TRIP11: variants seen among roughly 807,000 people sequenced by gnomAD.
TRIP11 encodes thyroid receptor-interacting protein 11.
In TRIP11, 148 loss-of-function variants were observed where a neutral mutation model predicts 223.1. The observed-to-expected ratio is 0.66, with a 90% CI of 0.58 to 0.76. TRIP11 has a LOEUF of 0.76. Among genes scored for constraint, TRIP11 ranks in the 30% least tolerant of loss-of-function variants. The probability of loss-of-function intolerance (pLI) is 0.00; values close to 1 mark genes in which losing one functional copy is unlikely to be tolerated. For missense variants in TRIP11, 2,043 were observed against 2,222.0 expected (o/e 0.92, Z 1.62); for synonymous variants, 762 against 772.6 (o/e 0.99, Z 0.23).
chr14:91,998,622 C>G (rs774913981), intron 13 of TRIP11, among the ~76,000 whole-genome samples: 12 of 151,562 alleles, frequency 7.9e-5, no homozygotes, highest in Non-Finnish European at 1.5e-4. Context: ...AAGATTATCT[C>G]TGGGCATGTG....
In TRIP11 at chr14:92,014,532, A is replaced by T. The variant is rs1445806196; in HGVS notation, c.869T>A (p.Met290Lys). 1 of 1,598,396 alleles carries T rather than the reference A, an allele frequency of 6.3e-7. No individual in the cohort carries two copies. The highest frequency in any genetic ancestry group is 2.2e-5 in the East Asian group (1 of 44,716). ...IETDLSKIYE[M>K]QKTIQVLQIE... Reference sequence around the variant, plus strand: ...TTGTAGAACTTGAATAGTTTTTTGCATCTCATAGATTTTAGAGAGATCAGT... The same window carrying T: ...TTGTAGAACTTGAATAGTTTTTTGCTTCTCATAGATTTTAGAGAGATCAGT... Residue 290 changes from methionine (M) to lysine (K), a missense_variant, in exon 7 of 21, where the codon ATG becomes AAG. Met to Lys is a moderately conservative substitution (Grantham distance 95, BLOSUM62 -1). Transcript: ENST00000267622.
chr14:92,004,680 T>C lies in TRIP11; in HGVS notation c.3296A>G (p.Glu1099Gly), dbSNP rs2056874872. Reference sequence around the variant, plus strand: ...CTCATTCAAAACAGCAAATACCTTTTCTCTTTCCATAGCATAAGCCTGCAG... The same window carrying C: ...CTCATTCAAAACAGCAAATACCTTTCCTCTTTCCATAGCATAAGCCTGCAG... Reference protein sequence around the residue: ...QQLQAYAMEREKVFAVLNEKT... With the variant: ...QQLQAYAMERGKVFAVLNEKT... Residue 1099 changes from glutamate to glycine, a missense_variant, in exon 11 of 21, where the codon GAA (glutamate) becomes GGA (glycine). By Grantham distance (98) the Glu-to-Gly change is moderately conservative. Transcript: ENST00000267622. The C allele has an allele frequency of 6.2e-7, 1 of 1,614,150 alleles. No individual in the cohort carries two copies. Among genetic ancestry groups the C allele is most frequent in the Non-Finnish European group, 8.5e-7 (1 of 1,180,026 alleles).
Position 91,968,146 on chromosome 14 carries a change from T to C in TRIP11, c.*1527A>G, listed in dbSNP as rs2056358289. 3 of 201,212 alleles carry C rather than the reference T, an allele frequency of 1.5e-5. No homozygotes were observed. The highest frequency in any genetic ancestry group is 6.9e-5 in the African/African-American group (3 of 43,612). 12.5% of individuals were successfully genotyped at this position (201,212 alleles called of 1,614,324 possible). Reference sequence around the variant, plus strand: ...ACTTGCAAATAACCAAATTTAGTTCTGGCCTCAGCCAGGACTATTCACATA... The same window carrying C: ...ACTTGCAAATAACCAAATTTAGTTCCGGCCTCAGCCAGGACTATTCACATA... On this transcript the variant is annotated 3_prime_UTR_variant, in exon 21 of 21. Coordinates refer to ENST00000267622, the MANE Select transcript of TRIP11 (RefSeq NM_004239.4).
chr14:92,000,841 T>C (rs78372211), intron 11 of TRIP11, among the ~76,000 whole-genome samples: 2,006 of 152,096 alleles, frequency 0.013, 30 homozygotes, highest in African/African-American at 0.045. Flanking sequence ...TCAGGCTGCT[T>C]TACAGCCACT....
chr14:92,028,057 T>C (rs1178888373), intron 2 of TRIP11, among the ~76,000 whole-genome samples: 1 of 152,242 alleles, frequency 6.6e-6, no homozygotes, highest in East Asian at 1.9e-4. Context: ...GTAAGCTGTT[T>C]ATATGAAAAA....
Position 92,003,785 on chromosome 14 carries a change from C to T in TRIP11, c.4191G>A (p.Gln1397=). ...EHEQTDSEIK[Q]LKEKQDVLQK... is the part of the protein sequence containing the mutation. ...GCAAAACATCTTGTTTCTCCTTTAGCTGCTTGATTTCTGAATCGGTTTGTT... is the reference window on the plus strand; with the variant it reads ...GCAAAACATCTTGTTTCTCCTTTAGTTGCTTGATTTCTGAATCGGTTTGTT... Residue 1397 remains glutamine (Q), a synonymous_variant, in exon 11 of 21, where the codon CAG becomes CAA. Coordinates refer to ENST00000267622, the MANE Select transcript of TRIP11 (RefSeq NM_004239.4). The T allele has an allele frequency of 1.2e-6, 2 of 1,614,150 alleles. No homozygotes were observed. Among genetic ancestry groups the T allele is most frequent in the Non-Finnish European group, 1.7e-6 (2 of 1,180,024 alleles).
intron 19 of TRIP11, among the ~76,000 whole-genome samples, chr14:91,974,001 C>T (rs1305301369): frequency 6.6e-6 from 1 of 152,210 alleles, no homozygotes; most frequent in Non-Finnish European, 1.5e-5. Context: ...GCACTCCAGC[C>T]TGGGCGACAG....
intron 13 of TRIP11, among the ~76,000 whole-genome samples, chr14:91,996,091 C>T (rs1023596668): frequency 6.6e-6 from 1 of 152,154 alleles, no homozygotes; most frequent in South Asian, 2.1e-4. Context: ...CCACCACCAC[C>T]ATCCATCTCC....
chr14:92,003,342 C>T, intron 11 of TRIP11, 77 bp downstream of exon 11: 2 of 1,562,468 alleles, frequency 1.3e-6, no homozygotes, highest in Non-Finnish European at 1.7e-6. Flanking sequence ...CCTTCAAAGA[C>T]AATATAAATG....
chr14:91,977,268 T>C (rs1208229753), intron 16 of TRIP11: 1 of 452,378 alleles, frequency 2.2e-6, no homozygotes, highest in Non-Finnish European at 4.4e-6. Flanking sequence ...CACAAAAGTT[T>C]TCAATTTTTA....
intron 15 of TRIP11, among the ~76,000 whole-genome samples, chr14:91,991,342 T>C (rs76246177): frequency 0.017 from 2,611 of 152,244 alleles, 65 homozygotes; most frequent in African/African-American, 0.051. Flanking sequence ...CCAGAACCCA[T>C]GAGCTACTAA....
Position 91,972,728 on chromosome 14 carries a change from T to A in TRIP11, c.5708A>T (p.Glu1903Val). The change falls in exon 20 of 21, where the codon GAA becomes GTA. Residue 1903 changes from glutamate to valine, a missense_variant. Transcript: ENST00000267622. Reference sequence around the variant, plus strand: ...ATCTCTAGTTTTACCTTTAAAACTTTCTGGTGCATTTGTATCTCTTTTTCT... The same window carrying A: ...ATCTCTAGTTTTACCTTTAAAACTTACTGGTGCATTTGTATCTCTTTTTCT... ...GRRKRDTNAP[E>V]SFKDTAESRS... 1 of 1,610,080 alleles carries A rather than the reference T, an allele frequency of 6.2e-7. No homozygotes were observed. The highest frequency in any genetic ancestry group is 2.2e-5 in the East Asian group (1 of 44,740).
At chr14:92,027,028 G>A (rs2057198260) in intron 2 of TRIP11, 5 of 621,268 alleles carry the variant, frequency 8.0e-6, no homozygotes, top group Non-Finnish European at 1.4e-5. Flanking sequence ...ACCAGCAGAT[G>A]ACACGCGCTC....
At chr14:91,984,068 G>A (rs946283492) in intron 16 of TRIP11, among the ~76,000 whole-genome samples, 1 of 151,376 alleles carries the variant, frequency 6.6e-6, no homozygotes, top group African/African-American at 2.4e-5. Context: ...TCAACTCTTA[G>A]GAGACTTTTA....
At position 92,006,396 on chromosome 14, in the gene TRIP11, C is replaced by T. The variant is rs764357693; in HGVS notation, c.1580G>A (p.Ser527Asn). ...ATCTTGTTTCAGTTTACTGATGATG[C>T]TATCTCCTTCATTTTGTTGTTTTGA... ...QLSKQQNEGD[S>N]IISKLKQDLN... The change falls in exon 11 of 21, where the codon AGC becomes AAC. Residue 527 changes from serine to asparagine, a missense_variant. Coordinates refer to ENST00000267622, the MANE Select transcript of TRIP11 (RefSeq NM_004239.4). The T allele has an allele frequency of 9.9e-6, 16 of 1,612,866 alleles. No individual in the cohort carries two copies. In the South Asian group the frequency reaches 1.5e-4, roughly 16 times the overall value.
chr14:92,019,282 T>C (rs949689278), intron 4 of TRIP11, among the ~76,000 whole-genome samples: 4 of 152,172 alleles, frequency 2.6e-5, no homozygotes, highest in Admixed American at 1.3e-4. Flanking sequence ...TCTTAAAATG[T>C]GTTCCTTAGG....
intron 3 of TRIP11, among the ~76,000 whole-genome samples, chr14:92,024,824 A>G (rs1348536445): frequency 4.6e-5 from 7 of 152,238 alleles, no homozygotes. Flanking sequence ...GAGTAACATT[A>G]AATTATATAA....
At chr14:92,033,721 G>A (rs1054683476) in intron 1 of TRIP11, among the ~76,000 whole-genome samples, 12 of 151,776 alleles carry the variant, frequency 7.9e-5, no homozygotes, top group Admixed American at 2.0e-4. Flanking sequence ...AGGGGTGTTC[G>A]GCTGAGTTAG....
intron 16 of TRIP11, chr14:91,977,280 G>A (rs1468801299): frequency 2.2e-6 from 1 of 451,198 alleles, no homozygotes; most frequent in Non-Finnish European, 4.5e-6. Flanking sequence ...CAATTTTTAT[G>A]AAGTCCAATG....
Sources: gnomAD v4.1 joint callset for allele counts (sites outside exome capture counted in the v4.1 genomes callset) on GRCh38, gnomAD v4.1.1 for gene constraint, MANE v1.5 for transcripts, NCBI Gene and HGNC (gene_info 2026-07-23, HGNC 2026-07-21) for gene names.